FRYL: variants seen among roughly 807,000 people sequenced by gnomAD.
FRYL encodes the protein protein furry homolog-like.
FRYL carries 150 observed loss-of-function variants against 351.2 expected under a neutral mutation model. The observed-to-expected ratio is 0.43, with a 90% CI of 0.37 to 0.49. FRYL has a LOEUF of 0.49. Among genes scored for constraint, FRYL ranks in the 20% least tolerant of loss-of-function variants. The probability of loss-of-function intolerance (pLI) is 0.00; values close to 1 mark genes in which losing one functional copy is unlikely to be tolerated. For synonymous variants in FRYL, 1,153 were observed against 1,257.1 expected (o/e 0.92, Z 1.75); for missense variants, 3,036 against 3,619.3 (o/e 0.84, Z 4.13).
chr4:48,564,801 T>A (rs1323590157), intron 30 of FRYL, 132 bp downstream of exon 30: 2 of 528,134 alleles, frequency 3.8e-6, no homozygotes, highest in Non-Finnish European at 6.8e-6. Flanking sequence ...TAACTTTATA[T>A]AATATGCTTT....
At chr4:48,632,662 T>C (rs1230556950) in intron 4 of FRYL, among the ~76,000 whole-genome samples, 2 of 152,010 alleles carry the variant, frequency 1.3e-5, no homozygotes, top group Non-Finnish European at 2.9e-5. Context: ...ATGGGATGAT[T>C]TAAACTGAAT....
chr4:48,499,714 C>G (rs529657162), intron 63 of FRYL, 34 bp from the exon 64 acceptor site: 2 of 1,602,026 alleles, frequency 1.2e-6, no homozygotes, highest in Non-Finnish European at 1.7e-6. Context: ...AGTTCTGAGA[C>G]TTAGGCAATA....
chr4:48,759,879 T>C (rs1554257), intron 1 of FRYL, among the ~76,000 whole-genome samples: 149,392 of 152,296 alleles, frequency 0.98, 73,331 homozygotes, highest in East Asian at 1. Context: ...CATCTGGTGC[T>C]TTCATTCCTT....
intron 9 of FRYL, among the ~76,000 whole-genome samples, chr4:48,607,576 T>C (rs1053006413): frequency 1.3e-5 from 2 of 152,060 alleles, no homozygotes; most frequent in Admixed American, 6.5e-5. Context: ...ACCAAGAAAA[T>C]ACATACACCA....
intron 1 of FRYL, among the ~76,000 whole-genome samples, chr4:48,761,007 C>CTG (rs57872533): frequency 0.055 from 7,386 of 134,390 alleles, 239 homozygotes; most frequent in African/African-American, 0.11. Context: ...ATTACTCTGT[C>CTG]TGTGTGTGTG....
chr4:48,761,898 A>G (rs1440810136), intron 1 of FRYL, among the ~76,000 whole-genome samples: 1 of 152,166 alleles, frequency 6.6e-6, no homozygotes, highest in East Asian at 1.9e-4. Flanking sequence ...ATTTCTCAGA[A>G]TGTATCCCCA....
At chr4:48,604,359 T>G (rs1746308242) in intron 11 of FRYL, among the ~76,000 whole-genome samples, 2 of 152,178 alleles carry the variant, frequency 1.3e-5, no homozygotes, top group Admixed American at 1.3e-4. Context: ...CCCCCAAAAT[T>G]CATGTTGAAG....
Position 48,510,826 on chromosome 4 carries a change from A to G in FRYL, c.8295+9T>C. 6.2e-7 allele frequency: 1 copy of G among 1,605,848 alleles called. No homozygotes were observed. Among genetic ancestry groups the G allele is most frequent in the East Asian group, 2.2e-5 (1 of 44,742 alleles). On this transcript the variant is annotated intron_variant, in intron 58 of 63. Transcript: ENST00000358350. Reference sequence around the variant, plus strand: ...AGTCTTTATAATAAACCTGCATGTAAAAACTTACTGTTTCAGCATCCACAA... The same window carrying G: ...AGTCTTTATAATAAACCTGCATGTAGAAACTTACTGTTTCAGCATCCACAA...
At chr4:48,743,315 C>G (rs1772322434) in intron 1 of FRYL, among the ~76,000 whole-genome samples, 1 of 152,114 alleles carries the variant, frequency 6.6e-6, no homozygotes, top group Admixed American at 6.5e-5. Flanking sequence ...AGAACTATAA[C>G]AATTACAGGG....
intron 3 of FRYL, among the ~76,000 whole-genome samples, chr4:48,668,264 T>A (rs1762075718): frequency 6.6e-6 from 1 of 152,074 alleles, no homozygotes; most frequent in African/African-American, 2.4e-5. Context: ...TCTAGATTGA[T>A]CATCGTTTGC....
chr4:48,604,488 G>A (rs1746341154), intron 11 of FRYL, among the ~76,000 whole-genome samples: 2 of 152,172 alleles, frequency 1.3e-5, no homozygotes, highest in South Asian at 2.1e-4. Context: ...TTTTAAAAAG[G>A]GGAAATTTGG....
intron 2 of FRYL, among the ~76,000 whole-genome samples, chr4:48,698,580 C>T (rs566723023): frequency 6.6e-6 from 1 of 152,306 alleles, no homozygotes; most frequent in African/African-American, 2.4e-5. Context: ...GTTCCTCTCG[C>T]TCTAGAAATG....
At chr4:48,670,935 T>C (rs1762552493) in intron 3 of FRYL, among the ~76,000 whole-genome samples, 1 of 152,226 alleles carries the variant, frequency 6.6e-6, no homozygotes, top group Non-Finnish European at 1.5e-5. Context: ...TTTGATATAC[T>C]GATTTCCTTT....
intron 41 of FRYL, among the ~76,000 whole-genome samples, chr4:48,546,965 C>A (rs1322325681): frequency 1.5e-5 from 2 of 133,164 alleles, no homozygotes; most frequent in African/African-American, 5.6e-5. Flanking sequence ...CTGTATCTGA[C>A]ACTGTATGAT....
intron 19 of FRYL, among the ~76,000 whole-genome samples, chr4:48,584,399 C>G (rs1344880012): frequency 6.6e-6 from 1 of 152,178 alleles, no homozygotes; most frequent in African/African-American, 2.4e-5. Context: ...AGCCAACTTT[C>G]AACTGACAAT....
intron 47 of FRYL, among the ~76,000 whole-genome samples, chr4:48,536,062 G>C (rs115243914): frequency 6.6e-6 from 1 of 152,138 alleles, no homozygotes; most frequent in South Asian, 2.1e-4. Context: ...TAAATAGTAC[G>C]GCCTTCTTCA....
At chr4:48,659,423 G>A (rs866568877) in intron 3 of FRYL, among the ~76,000 whole-genome samples, 207 of 2,962 alleles carry the variant, frequency 0.07, 90 homozygotes, top group African/African-American at 0.072. Context: ...GAAGGAGAAG[G>A]AGAAGAGGAA....
At position 48,567,483 on chromosome 4, in the gene FRYL, T is replaced by G; in HGVS notation, c.2997-63A>C. ...GGACTTTATGATTTAAATAAAAAAT[T>G]CTTAATACTCAAAATCAGAATAATA... is the stretch of plus-strand genomic sequence containing the variant. On this transcript the variant is annotated intron_variant, in intron 27 of 63. Coordinates refer to ENST00000358350, the MANE Select transcript of FRYL (RefSeq NM_015030.2). The surrounding 1 kb of genome is among the most constrained non-coding windows in gnomAD (Gnocchi z 4.2). The G allele has an allele frequency of 8.1e-7, 1 of 1,238,808 alleles. No individual in the cohort carries two copies. Among genetic ancestry groups the G allele is most frequent in the Non-Finnish European group, 1.1e-6 (1 of 903,110 alleles). 76.7% of individuals were successfully genotyped at this position (1,238,808 alleles called of 1,614,324 possible). A position where few individuals can be genotyped will look rare whatever the true frequency, so the allele number is the denominator to read the frequency against.
chr4:48,634,367 T>C lies in FRYL; in HGVS notation c.44A>G (p.Tyr15Cys). 2 of 1,613,630 alleles carry C rather than the reference T, an allele frequency of 1.2e-6. No homozygotes were observed. The highest frequency in any genetic ancestry group is 1.7e-6 in the Non-Finnish European group (2 of 1,179,610). ...TTCTGCAAAGAGGCTCTTGATGACATATTCACCAGGTTTGACATCTGGGTC... is the reference window on the plus strand; with the variant it reads ...TTCTGCAAAGAGGCTCTTGATGACACATTCACCAGGTTTGACATCTGGGTC... ...TIDPDVKPGE[Y>C]VIKSLFAEFA... The change falls in exon 4 of 64, where the codon TAT becomes TGT. Residue 15 changes from tyrosine (Y) to cysteine (C), a missense_variant. Tyr to Cys is a radical substitution (Grantham distance 194). Coordinates refer to ENST00000358350, the MANE Select transcript of FRYL (RefSeq NM_015030.2).
Sources: gnomAD v4.1 joint callset for allele counts (sites outside exome capture counted in the v4.1 genomes callset) on GRCh38, gnomAD v4.1.1 for gene constraint, Gnocchi (gnomAD v3.1) non-coding constraint, MANE v1.5 for transcripts, NCBI Gene and HGNC (gene_info 2026-07-23, HGNC 2026-07-21) for gene names.